Variants in GPR158 observed in about 807,000 individuals in gnomAD.
The protein encoded by GPR158 is metabotropic glycine receptor.
Under a neutral mutation model 78.2 loss-of-function variants are expected in GPR158, and 30 were observed. That is an observed-to-expected ratio of 0.38 (90% CI 0.29 to 0.52). GPR158 has a LOEUF of 0.52. Among genes scored for constraint, GPR158 ranks in the 20% least tolerant of loss-of-function variants. The pLI is 0.83. For missense variants in GPR158, 1,463 were observed against 1,523.5 expected (o/e 0.96, Z 0.66); for synonymous variants, 581 against 591.1 (o/e 0.98, Z 0.25).
chr10:25,389,617 G>A (rs1353077493), intron 2 of GPR158, among the ~76,000 whole-genome samples: 1 of 152,172 alleles, frequency 6.6e-6, no homozygotes, highest in Non-Finnish European at 1.5e-5. Context: ...CCGCTGAATG[G>A]TGGGGCTAAA....
At chr10:25,414,382 A>G (rs1017649301) in intron 4 of GPR158, among the ~76,000 whole-genome samples, 10 of 152,162 alleles carry the variant, frequency 6.6e-5, no homozygotes, top group Non-Finnish European at 1.3e-4. Flanking sequence ...TGAAATTTCT[A>G]TAGATTAAAA....
At chr10:25,487,002 A>T (rs1835744378) in intron 5 of GPR158, among the ~76,000 whole-genome samples, 1 of 152,172 alleles carries the variant, frequency 6.6e-6, no homozygotes. Flanking sequence ...CTGCACTTTC[A>T]TGTTAGGCTA....
In GPR158 at chr10:25,314,885, A is replaced by ATATATATATATATG. The variant is rs1329409723; in HGVS notation, c.1009-81025_1009-81024insATATATATATATGT. Reference sequence around the variant, plus strand: ...GTCATATATATATATATATATATATATGACTAATGAGTTTACACATACACA... The same window carrying ATATATATATATATG: ...GTCATATATATATATATATATATATATATATATATATATGTGACTAATGAGTTTACACATACACA... On this transcript the variant is annotated intron_variant, in intron 2 of 10. Transcript: ENST00000376351. 1.1e-3 allele frequency among the ~76,000 whole-genome samples: 134 copies of ATATATATATATATG among 120,296 alleles called. 1 individual carries two copies. Among genetic ancestry groups the ATATATATATATATG allele is most frequent in the African/African-American group, 4.4e-3 (130 of 29,638 alleles). 78.9% of individuals were successfully genotyped at this position (120,296 alleles called of 152,430 possible).
At chr10:25,427,185 A>G (rs1030419817) in intron 4 of GPR158, among the ~76,000 whole-genome samples, 3 of 152,224 alleles carry the variant, frequency 2.0e-5, no homozygotes, top group Admixed American at 1.3e-4. Flanking sequence ...ATGATTATCA[A>G]TTAACGATAT....
At position 25,594,318 on chromosome 10, in the gene GPR158, C is replaced by A. The variant is rs1159566198; in HGVS notation, c.1919C>A (p.Ser640Tyr). 1.3e-6 allele frequency: 2 copies of A among 1,582,410 alleles called. No individual in the cohort carries two copies. Among genetic ancestry groups the A allele is most frequent in the African/African-American group, 1.3e-5 (1 of 74,180 alleles). The stretch of plus-strand genomic sequence containing the variant: ...TTTGTTCTTGCCTCAAGACTTCAGT[C>A]TGATTGGATGTTGATGCTGTATTTT... The part of the protein sequence containing the change: ...IRFVLASRLQ[S>Y]DWMLMLYFAH... The change falls in exon 9 of 11, where the codon TCT (serine) becomes TAT (tyrosine). Residue 640 changes from serine (S) to tyrosine (Y), a missense_variant. Transcript: ENST00000376351.
intron 2 of GPR158, among the ~76,000 whole-genome samples, chr10:25,370,740 G>C (rs368378269): frequency 6.6e-6 from 1 of 150,888 alleles, no homozygotes; most frequent in African/African-American, 2.4e-5. Context: ...TTTCTGTCTC[G>C]TTGATCTGTC....
chr10:25,248,046 T>C (rs1184186173), intron 2 of GPR158, among the ~76,000 whole-genome samples: 2 of 152,098 alleles, frequency 1.3e-5, no homozygotes, highest in East Asian at 1.9e-4. Context: ...TGGTTTTGAT[T>C]TGCATTTATC....
At chr10:25,488,052 G>A (rs910722497) in intron 5 of GPR158, among the ~76,000 whole-genome samples, 1 of 152,262 alleles carries the variant, frequency 6.6e-6, no homozygotes, top group Admixed American at 6.5e-5. Flanking sequence ...CATAGGAAGA[G>A]AAGCTTTAAA....
At chr10:25,433,531 G>GTGT (rs1554803586) in intron 4 of GPR158, among the ~76,000 whole-genome samples, 15,458 of 139,668 alleles carry the variant, frequency 0.11, 927 homozygotes, top group East Asian at 0.15. Flanking sequence ...TTTAGTTAGG[G>GTGT]GTGTGTGTGT....
At chr10:25,460,450 C>T (rs1459608020) in intron 4 of GPR158, among the ~76,000 whole-genome samples, 5 of 152,194 alleles carry the variant, frequency 3.3e-5, no homozygotes, top group Non-Finnish European at 7.3e-5. Flanking sequence ...CCACCTCGGC[C>T]TCCCTAAGTG....
chr10:25,363,733 T>TCTTAATGCTGTCCCTGATC lies in GPR158; in HGVS notation c.1009-32175_1009-32157dup, dbSNP rs554885865. ...TGGATCCTGCTATGTGGTGCCTGCT[T>TCTTAATGCTGTCCCTGATC]CTTAATGCTGTCCCTGATCCTCAGT... On this transcript the variant is annotated intron_variant, in intron 2 of 10. Coordinates refer to ENST00000376351, the MANE Select transcript of GPR158 (RefSeq NM_020752.3). Among the ~76,000 whole-genome samples the TCTTAATGCTGTCCCTGATC allele has an allele frequency of 3.8e-3, 583 of 151,970 alleles. 2 individuals carry two copies. Among genetic ancestry groups the TCTTAATGCTGTCCCTGATC allele is most frequent in the Non-Finnish European group, 5.7e-3 (388 of 67,904 alleles).
chr10:25,413,322 C>T (rs992584413), intron 4 of GPR158, among the ~76,000 whole-genome samples: 6 of 152,156 alleles, frequency 3.9e-5, no homozygotes, highest in African/African-American at 1.4e-4. Context: ...CAGAGTGAGA[C>T]CCTGCCCTGT....
At chr10:25,281,876 T>G (rs1249505420) in intron 2 of GPR158, among the ~76,000 whole-genome samples, 1 of 152,154 alleles carries the variant, frequency 6.6e-6, no homozygotes, top group East Asian at 1.9e-4. Context: ...GAGTATAAAA[T>G]GTGAAGATCC....
chr10:25,187,593 TA>T (rs1852706538), intron 1 of GPR158, among the ~76,000 whole-genome samples: 2 of 152,290 alleles, frequency 1.3e-5, no homozygotes, highest in African/African-American at 4.8e-5. Flanking sequence ...CCCTTCATGC[TA>T]AAAACTCTCA....
At chr10:25,229,727 A>T (rs191094927) in intron 2 of GPR158, among the ~76,000 whole-genome samples, 3 of 152,286 alleles carry the variant, frequency 2.0e-5, no homozygotes, top group East Asian at 1.9e-4. Flanking sequence ...TTCATTTAGG[A>T]TTAGACATGA....
rs1407912335 is a variant in GPR158 at position 25,241,294 on chromosome 10, C to CT, written c.1008+20141dup. Among the ~76,000 whole-genome samples the CT allele has an allele frequency of 6.6e-4, 53 of 80,232 alleles. 2 individuals carry two copies. The highest frequency in any genetic ancestry group is 2.4e-3 in the African/African-American group (47 of 19,462). 52.6% of individuals were successfully genotyped at this position (80,232 alleles called of 152,430 possible). A position where few individuals can be genotyped will look rare whatever the true frequency, so the allele number is the denominator to read the frequency against. The stretch of plus-strand genomic sequence containing the variant: ...TTCCTTTCTTTCTTTCTTTTCTTTT[C>CT]TTTTCTTTTCTTTTCTTTTCTCTTC... On this transcript the variant is annotated intron_variant, in intron 2 of 10. Transcript: ENST00000376351.
intron 2 of GPR158, among the ~76,000 whole-genome samples, chr10:25,372,203 AAAC>A (rs1383408640): frequency 6.6e-6 from 1 of 151,918 alleles, no homozygotes; most frequent in African/African-American, 2.4e-5. Context: ...AAAAGTCAGG[AAAC>A]AACAGGTGCT....
chr10:25,268,268 A>C (rs1263726313), intron 2 of GPR158, among the ~76,000 whole-genome samples: 1 of 152,156 alleles, frequency 6.6e-6, no homozygotes, highest in Admixed American at 6.6e-5. Context: ...TTACTTGAAT[A>C]TGACTCCCTT....
At chr10:25,217,103 C>T (rs1215811826) in intron 1 of GPR158, among the ~76,000 whole-genome samples, 1 of 152,088 alleles carries the variant, frequency 6.6e-6, no homozygotes, top group African/African-American at 2.4e-5. Context: ...TTTCTAAAAT[C>T]CTGGAATGGG....
Sources: allele counts gnomAD v4.1 joint callset (sites outside exome capture counted in the v4.1 genomes callset), GRCh38; gene constraint gnomAD v4.1.1; transcripts MANE v1.5; gene names NCBI Gene and HGNC (gene_info 2026-07-23, HGNC 2026-07-21).